DDX55: variants seen among roughly 807,000 people sequenced by gnomAD.
DDX55 encodes the protein DEAD-box helicase 55.
A neutral mutation model predicts 69.2 loss-of-function variants in DDX55; 56 were observed. That is an observed-to-expected ratio of 0.81 (90% CI 0.65 to 1.01). DDX55 has a LOEUF of 1.01. DDX55 is among the 50% of genes least tolerant of loss of function. The pLI, the probability that DDX55 is intolerant of heterozygous loss-of-function variation, is 0.00. For missense variants in DDX55, 720 were observed against 745.1 expected (o/e 0.97, Z 0.39); for synonymous variants, 268 against 273.1 (o/e 0.98, Z 0.18).
At position 123,617,704 on chromosome 12, in the gene DDX55, G is replaced by GCT; in HGVS notation, c.1050-51_1050-50dup. 8.7e-6 allele frequency: 13 copies of GCT among 1,498,992 alleles called. No homozygotes were observed. In the South Asian group the frequency reaches 1.1e-4, roughly 13 times the overall value. 92.9% of individuals were successfully genotyped at this position (1,498,992 alleles called of 1,614,324 possible). ...CAGCAGCCATGTGGCTGGAGCCTGAGCTCTGTTCAGCTGTCATCACCTGGG... is the reference window on the plus strand; with the variant it reads ...CAGCAGCCATGTGGCTGGAGCCTGAGCTCTCTGTTCAGCTGTCATCACCTGGG... On this transcript the variant is annotated intron_variant, in intron 10 of 13. Transcript: ENST00000238146.
chr12:123,618,600 G>A, intron 11 of DDX55, 69 bp from the exon 12 acceptor site: 1 of 1,575,446 alleles, frequency 6.3e-7, no homozygotes, highest in East Asian at 2.2e-5. Context: ...TTTCTTGGTT[G>A]TGATGGGGAG....
intron 9 of DDX55, among the ~76,000 whole-genome samples, chr12:123,615,787 A>G (rs1954612831): frequency 6.6e-6 from 1 of 152,188 alleles, no homozygotes; most frequent in Non-Finnish European, 1.5e-5. Flanking sequence ...GATCAAGACC[A>G]TCCTGGCTAA....
Position 123,610,051 on chromosome 12 carries a change from C to A in DDX55, c.664C>A (p.Arg222=). The A allele has an allele frequency of 6.2e-7, 1 of 1,614,126 alleles. No homozygotes were observed. Among genetic ancestry groups the A allele is most frequent in the Non-Finnish European group, 8.5e-7 (1 of 1,180,016 alleles). Residue 222 remains arginine (R), a synonymous_variant, in exon 7 of 14, where the codon CGG becomes AGG. Transcript: ENST00000238146. ...GAGAGCGGGCCTCCGGAACCCTGTC[C>A]GGGTCTCAGTGAAGGAGAAGGGCGT... is the stretch of plus-strand genomic sequence containing the variant. ...LVRAGLRNPV[R]VSVKEKGVAA...
intron 10 of DDX55, among the ~76,000 whole-genome samples, chr12:123,617,534 C>T (rs555301217): frequency 6.6e-6 from 1 of 152,364 alleles, no homozygotes; most frequent in African/African-American, 2.4e-5. Context: ...ACAAGTTTTA[C>T]TTAAGAGTTC....
rs1007529434 is a variant in DDX55, at chr12:123,616,439, G to A, written c.957-72G>A. ...AGCACCTGTGTGTCACTGTCATCGA[G>A]ATCAGTAGGCTGTTTGATGGTGATG... On this transcript the variant is annotated intron_variant, in intron 9 of 13. Coordinates refer to ENST00000238146, the MANE Select transcript of DDX55 (RefSeq NM_020936.3). The A allele has an allele frequency of 3.7e-6, 5 of 1,369,346 alleles. No individual in the cohort carries two copies. The African/African-American group carries it at 7.1e-5, about 20-fold the overall frequency. 84.8% of individuals were successfully genotyped at this position (1,369,346 alleles called of 1,614,324 possible). A position where few individuals can be genotyped will look rare whatever the true frequency, so the allele number is the denominator to read the frequency against.
intron 7 of DDX55, 43 bp from the exon 8 acceptor site, chr12:123,613,127 T>C (rs1461624765): frequency 1.3e-6 from 2 of 1,598,820 alleles, no homozygotes; most frequent in African/African-American, 2.7e-5. Flanking sequence ...GGGATTATTA[T>C]TGCCAAATAT....
intron 3 of DDX55, among the ~76,000 whole-genome samples, chr12:123,606,736 G>A (rs1953916974): frequency 6.6e-6 from 1 of 152,030 alleles, no homozygotes; most frequent in Admixed American, 6.6e-5. Context: ...GACTACAGGT[G>A]TGGACCATCA....
intron 8 of DDX55, among the ~76,000 whole-genome samples, chr12:123,614,290 A>G (rs542348174): frequency 2.0e-5 from 3 of 152,304 alleles, no homozygotes; most frequent in African/African-American, 7.2e-5. Flanking sequence ...ATTACATACT[A>G]TGTGACTCAA....
In DDX55 at chr12:123,616,719, C is replaced by T. The variant is rs959484989; in HGVS notation, c.1049+116C>T. The T allele has an allele frequency of 1.8e-5, 21 of 1,153,582 alleles. No individual in the cohort carries two copies. In the Admixed American group the frequency reaches 3.7e-4, roughly 20 times the overall value. The allele number at this position is 1,153,582 out of a possible 1,614,324, so 71.5% of individuals were successfully genotyped here. A position where few individuals can be genotyped will look rare whatever the true frequency, so the allele number is the denominator to read the frequency against. ...ACTGAAACATTTTATAGCAAGCCTC[C>T]AGCGTGCTTGGGTCTGCAGTGACCC... On this transcript the variant is annotated intron_variant, in intron 10 of 13. Coordinates refer to ENST00000238146, the MANE Select transcript of DDX55 (RefSeq NM_020936.3).
intron 1 of DDX55, among the ~76,000 whole-genome samples, chr12:123,602,588 A>G (rs919401639): frequency 2.6e-5 from 4 of 152,216 alleles, no homozygotes; most frequent in Non-Finnish European, 5.9e-5. Flanking sequence ...TGACGAAAAA[A>G]TAACACCCTC....
rs143318321 is a variant in DDX55, at chr12:123,620,093, A to G, written c.1756A>G (p.Ile586Val). The G allele has an allele frequency of 7.1e-5, 114 of 1,614,090 alleles. No homozygotes were observed. Among genetic ancestry groups the G allele is most frequent in the Non-Finnish European group, 9.2e-5 (109 of 1,180,040 alleles). Reference protein sequence around the residue: ...KGLLTTGKRTIKTVDLGISDL... With the variant: ...KGLLTTGKRTVKTVDLGISDL... ...CTTGTTGACAACTGGCAAAAGAACAATCAAGACAGTGGATTTAGGGATCTC... is the reference window on the plus strand; with the variant it reads ...CTTGTTGACAACTGGCAAAAGAACAGTCAAGACAGTGGATTTAGGGATCTC... Residue 586 changes from isoleucine (I) to valine (V), a missense_variant, in exon 14 of 14, where the codon ATC (isoleucine) becomes GTC (valine). Physicochemically the swap from Ile to Val is conservative, Grantham distance 29. Transcript: ENST00000238146.
chr12:123,612,683 A>C (rs1387966917), intron 7 of DDX55, among the ~76,000 whole-genome samples: 1 of 152,006 alleles, frequency 6.6e-6, no homozygotes, highest in East Asian at 1.9e-4. Context: ...TGCATTTAAA[A>C]AAAAAAAATC....
At position 123,620,163 on chromosome 12, in the gene DDX55, A is replaced by T. The variant is rs374905902; in HGVS notation, c.*23A>T. On this transcript the variant is annotated 3_prime_UTR_variant, in exon 14 of 14. Transcript: ENST00000238146. The stretch of plus-strand genomic sequence containing the variant: ...TGATTCCAGTGCCACAGATGAACCC[A>T]CAAGGACATAGCTGTTCCCTAACTT... 3.1e-6 allele frequency: 5 copies of T among 1,607,672 alleles called. No individual in the cohort carries two copies. In the African/African-American group the frequency reaches 5.4e-5, roughly 17 times the overall value.
chr12:123,619,448 C>G lies in DDX55; in HGVS notation c.1350C>G (p.Ser450Arg), dbSNP rs143479625. 1.9e-6 allele frequency: 3 copies of G among 1,612,208 alleles called. No individual in the cohort carries two copies. Among genetic ancestry groups the G allele is most frequent in the African/African-American group, 2.7e-5 (2 of 74,762 alleles). The change falls in exon 13 of 14, where the codon AGC becomes AGG. Residue 450 changes from serine to arginine, a missense_variant. Coordinates refer to ENST00000238146, the MANE Select transcript of DDX55 (RefSeq NM_020936.3). ...IFRLKDLDFA[S>R]LARGFALLRM... ...TTGAATCAGATCTTGATTTTGCCAG[C>G]CTTGCTCGAGGTTTTGCCCTGCTGA...
At chr12:123,607,734 C>A in intron 5 of DDX55, 72 bp downstream of exon 5, 1 of 1,606,404 alleles carries the variant, frequency 6.2e-7, no homozygotes, top group Non-Finnish European at 8.5e-7. Context: ...TGTGTGATCT[C>A]AGCCTAACTG....
At position 123,616,594 on chromosome 12, in the gene DDX55, G is replaced by A; in HGVS notation, c.1040G>A (p.Ser347Asn). The change falls in exon 10 of 14, where the codon AGC (serine) becomes AAC (asparagine). Residue 347 changes from serine to asparagine, a missense_variant. Coordinates refer to ENST00000238146, the MANE Select transcript of DDX55 (RefSeq NM_020936.3). Reference sequence around the variant, plus strand: ...TGGGTTTTGCAGTATGACCCTCCCAGCAATGCAAGGTATGGTACGAGGCTG... The same window carrying A: ...TGGGTTTTGCAGTATGACCCTCCCAACAATGCAAGGTATGGTACGAGGCTG... ...VNWVLQYDPP[S>N]NASAFVHRCG... 1 of 1,614,078 alleles carries A rather than the reference G, an allele frequency of 6.2e-7. No individual in the cohort carries two copies. The highest frequency in any genetic ancestry group is 1.1e-5 in the South Asian group (1 of 91,082).
chr12:123,610,611 T>TC (rs1374122992), intron 7 of DDX55, among the ~76,000 whole-genome samples: 29 of 131,332 alleles, frequency 2.2e-4, no homozygotes, highest in African/African-American at 9.5e-4. Context: ...GTTTCTTTTT[T>TC]TTTTTTTTTT....
chr12:123,609,915 A>G, intron 6 of DDX55, 24 bp from the exon 7 acceptor site: 1 of 1,604,888 alleles, frequency 6.2e-7, no homozygotes, highest in Non-Finnish European at 8.5e-7. Context: ...GTGAGCGGTT[A>G]AGTGTGAGCC....
intron 10 of DDX55, 35 bp downstream of exon 10, chr12:123,616,638 G>C (rs1285540237): frequency 1.9e-6 from 3 of 1,590,204 alleles, no homozygotes; most frequent in Non-Finnish European, 2.6e-6. Flanking sequence ...TCTCTGTTGA[G>C]GAATTTAGCC....
Sources: gnomAD v4.1 joint callset for allele counts (sites outside exome capture counted in the v4.1 genomes callset) on GRCh38, gnomAD v4.1.1 for gene constraint, MANE v1.5 for transcripts, NCBI Gene and HGNC (gene_info 2026-07-23, HGNC 2026-07-21) for gene names.